The following PTPRG variants were observed in gnomAD, a reference collection of about 807,000 sequenced individuals.
PTPRG encodes receptor-type tyrosine-protein phosphatase gamma.
In PTPRG, 102 loss-of-function variants were observed where a neutral mutation model predicts 165.3. The observed-to-expected ratio is 0.62, with a 90% CI of 0.53 to 0.73. The LOEUF (loss-of-function observed/expected upper bound fraction) is 0.73. Among genes scored for constraint, PTPRG ranks in the 30% least tolerant of loss-of-function variants. PTPRG has a pLI of 0.00. For synonymous variants in PTPRG, 675 were observed against 669.5 expected (o/e 1.01, Z -0.13); for missense variants, 1,866 against 1,861.4 (o/e 1.00, Z -0.05).
Position 62,271,311 on chromosome 3 carries a change from C to A in PTPRG, c.3010-72C>A. The A allele has an allele frequency of 7.6e-7, 1 of 1,323,556 alleles. No homozygotes were observed. The highest frequency in any genetic ancestry group is 1.1e-6 in the Non-Finnish European group (1 of 950,504). The allele number at this position is 1,323,556 out of a possible 1,614,324, so 82.0% of individuals were successfully genotyped here. On this transcript the variant is annotated intron_variant, in intron 20 of 29. Coordinates refer to ENST00000474889, the MANE Select transcript of PTPRG (RefSeq NM_002841.4). This position sits in a 1 kb window ranked among gnomAD's most constrained non-coding sequence, Gnocchi z 4.1. Reference sequence around the variant, plus strand: ...TGTGATCAGTGGTCATGTGTCCTGACACCCTTACATTATTTTTTTCCAGAA... The same window carrying A: ...TGTGATCAGTGGTCATGTGTCCTGAAACCCTTACATTATTTTTTTCCAGAA...
At chr3:62,161,801 G>T (rs899438654) in intron 7 of PTPRG, among the ~76,000 whole-genome samples, 1 of 152,148 alleles carries the variant, frequency 6.6e-6, no homozygotes, top group Admixed American at 6.5e-5. Flanking sequence ...GATGCTCCAG[G>T]CTACTGGGAA....
intron 2 of PTPRG, among the ~76,000 whole-genome samples, chr3:61,958,161 C>G (rs1404778689): frequency 1.3e-5 from 2 of 151,940 alleles, no homozygotes; most frequent in African/African-American, 2.4e-5. Flanking sequence ...GACTCTTACT[C>G]TGTTGCCCAG....
chr3:62,029,920 A>T (rs1329475178), intron 4 of PTPRG, among the ~76,000 whole-genome samples: 1 of 152,192 alleles, frequency 6.6e-6, no homozygotes, highest in African/African-American at 2.4e-5. Flanking sequence ...GACATTGTCC[A>T]ATCTGATTTT....
chr3:61,794,231 A>G (rs1430598515), intron 2 of PTPRG, among the ~76,000 whole-genome samples: 1 of 152,160 alleles, frequency 6.6e-6, no homozygotes, highest in Non-Finnish European at 1.5e-5. Context: ...TATAATTATT[A>G]TGGACTTGTG....
intron 5 of PTPRG, among the ~76,000 whole-genome samples, chr3:62,117,050 G>T (rs1217535662): frequency 6.6e-6 from 1 of 152,150 alleles, no homozygotes; most frequent in Non-Finnish European, 1.5e-5. Context: ...GCTCTTCAGG[G>T]TTCTGTGTGT....
chr3:62,093,882 A>C (rs1325838720), intron 5 of PTPRG, among the ~76,000 whole-genome samples: 1 of 152,156 alleles, frequency 6.6e-6, no homozygotes, highest in Non-Finnish European at 1.5e-5. Flanking sequence ...CTTTTTTTCC[A>C]AGCACTTTGG....
At chr3:61,733,314 CCCAGTGGAGCTTCCTTT>C in intron 1 of PTPRG, among the ~76,000 whole-genome samples, 1 of 152,138 alleles carries the variant, frequency 6.6e-6, no homozygotes, top group Non-Finnish European at 1.5e-5. Context: ...ATTAGGGGGT[CCCAGTGGAGCTTCCTTT>C]CCGTTTCTCT....
chr3:61,813,879 T>C (rs1456858280), intron 2 of PTPRG, among the ~76,000 whole-genome samples: 1 of 148,710 alleles, frequency 6.7e-6, no homozygotes, highest in Non-Finnish European at 1.5e-5. Context: ...AGACATCTTA[T>C]GAGATACTGG....
At chr3:62,164,166 A>G (rs1704876833) in intron 7 of PTPRG, among the ~76,000 whole-genome samples, 1 of 152,198 alleles carries the variant, frequency 6.6e-6, no homozygotes, top group Non-Finnish European at 1.5e-5. Context: ...CTCCAGCCTG[A>G]TTTCCATATT....
At chr3:62,276,945 G>A in intron 24 of PTPRG, 27 bp from the exon 25 acceptor site, 2 of 1,589,264 alleles carry the variant, frequency 1.3e-6, no homozygotes, top group Middle Eastern at 1.7e-4. Context: ...AGGCAAATGT[G>A]GTGTTTTTGT....
In PTPRG at chr3:61,686,820, G is replaced by A. The variant is rs566242680; in HGVS notation, c.86-62058G>A. The stretch of plus-strand genomic sequence containing the variant: ...TAATCAGGTGGGGGAAAAGCAGGGC[G>A]TACAACGGTATTTAGTTAAAGCTAC... On this transcript the variant is annotated intron_variant, in intron 1 of 29. Transcript: ENST00000474889. Among the ~76,000 whole-genome samples the A allele has an allele frequency of 2.6e-4, 39 of 152,198 alleles. 2 individuals carry two copies. Among genetic ancestry groups the A allele is most frequent in the Admixed American group, 5.9e-4 (9 of 15,294 alleles).
Position 61,680,866 on chromosome 3 carries a change from T to C in PTPRG, c.86-68012T>C, listed in dbSNP as rs1247086284. The stretch of plus-strand genomic sequence containing the variant: ...TAACTTGCTGGGTGTTGGGAACCTG[T>C]ATATGGCATATGCCATGTGCACAGT... On this transcript the variant is annotated intron_variant, in intron 1 of 29. Transcript: ENST00000474889. 2.4e-5 allele frequency among the ~76,000 whole-genome samples: 3 copies of C among 127,192 alleles called. 1 individual carries two copies. Among genetic ancestry groups the C allele is most frequent in the South Asian group, 5.3e-4 (2 of 3,760 alleles). The allele number at this position is 127,192 out of a possible 152,430, so 83.4% of individuals were successfully genotyped here. A position where few individuals can be genotyped will look rare whatever the true frequency, so the allele number is the denominator to read the frequency against.
At position 62,217,403 on chromosome 3, in the gene PTPRG, T is replaced by C. The variant is rs535097048; in HGVS notation, c.2156-1448T>C. On this transcript the variant is annotated intron_variant, in intron 12 of 29. Coordinates refer to ENST00000474889, the MANE Select transcript of PTPRG (RefSeq NM_002841.4). This position sits in a 1 kb window ranked among gnomAD's most constrained non-coding sequence, Gnocchi z 4.3. ...AGAGGAAATCCAGTGAAACGCATCG[T>C]AACACACTTCTTCCTGACTCGGGAG... is the stretch of plus-strand genomic sequence containing the variant. Among the ~76,000 whole-genome samples the C allele has an allele frequency of 6.6e-6, 1 of 152,302 alleles. No individual in the cohort carries two copies. The highest frequency in any genetic ancestry group is 2.1e-4 in the South Asian group (1 of 4,822).
At chr3:61,684,086 G>A (rs912907938) in intron 1 of PTPRG, among the ~76,000 whole-genome samples, 5 of 152,210 alleles carry the variant, frequency 3.3e-5, no homozygotes, top group Non-Finnish European at 5.9e-5. Flanking sequence ...TCATGCTTCC[G>A]TTTGCCACTG....
chr3:61,964,910 A>T (rs2040233536), intron 2 of PTPRG, among the ~76,000 whole-genome samples: 1 of 151,920 alleles, frequency 6.6e-6, no homozygotes, highest in Non-Finnish European at 1.5e-5. Context: ...TTCAGCCTTT[A>T]AAAAAAATCC....
At chr3:62,108,802 T>A (rs1324751355) in intron 5 of PTPRG, among the ~76,000 whole-genome samples, 3 of 152,234 alleles carry the variant, frequency 2.0e-5, no homozygotes, top group African/African-American at 7.2e-5. Flanking sequence ...CCAGTGATGA[T>A]GAGCTTTTTT....
intron 1 of PTPRG, among the ~76,000 whole-genome samples, chr3:61,603,730 C>T (rs531684246): frequency 1.7e-4 from 26 of 152,332 alleles, no homozygotes; most frequent in Non-Finnish European, 3.2e-4. Context: ...TTTGTAGCTT[C>T]TGGTCCTTGC....
intron 4 of PTPRG, among the ~76,000 whole-genome samples, chr3:62,061,100 A>C (rs75330473): frequency 2.1e-3 from 326 of 152,306 alleles, no homozygotes; most frequent in East Asian, 0.018. Context: ...TCAAATCCCA[A>C]CTAAGGTAGC....
In PTPRG at chr3:61,890,424, T is replaced by G. The variant is rs753843156; in HGVS notation, c.191-99201T>G. On this transcript the variant is annotated intron_variant, in intron 2 of 29. Transcript: ENST00000474889. ...TTTCTTGTTCTTTGTTTTTTTTTTG[T>G]TTTTTTTTTTTTTTAGGGTCAGGTT... 4.6e-3 allele frequency among the ~76,000 whole-genome samples: 58 copies of G among 12,682 alleles called. No individual in the cohort carries two copies. The East Asian group carries it at 0.15, about 33-fold the overall frequency. 8.3% of individuals were successfully genotyped at this position (12,682 alleles called of 152,430 possible).
Sources: gnomAD v4.1 joint callset for allele counts (sites outside exome capture counted in the v4.1 genomes callset) on GRCh38, gnomAD v4.1.1 for gene constraint, Gnocchi (gnomAD v3.1) non-coding constraint, MANE v1.5 for transcripts, NCBI Gene and HGNC (gene_info 2026-07-23, HGNC 2026-07-21) for gene names.